Variants in CFTR observed in about 807,000 individuals in gnomAD.
The protein encoded by CFTR is CF transmembrane conductance regulator, also known as cystic fibrosis transmembrane conductance regulator.
A neutral mutation model predicts 171.6 loss-of-function variants in CFTR; 181 were observed. The ratio of observed to expected loss-of-function variants is 1.05; its 90% CI spans 0.93 to 1.19. CFTR has a LOEUF of 1.19. CFTR is among the 50% of genes most tolerant of loss of function. CFTR has a pLI of 0.00. For synonymous variants in CFTR, 583 were observed against 608.0 expected (o/e 0.96, Z 0.60); for missense variants, 1,968 against 1,734.7 (o/e 1.13, Z -2.39).
Position 117,603,519 on chromosome 7 carries a change from A to G in CFTR, c.2658-13A>G. 2 of 1,613,742 alleles carry G rather than the reference A, an allele frequency of 1.2e-6. No homozygotes were observed. Among genetic ancestry groups the G allele is most frequent in the African/African-American group, 1.3e-5 (1 of 75,026 alleles). On this transcript the variant is annotated splice_polypyrimidine_tract_variant and intron_variant, in intron 16 of 26. Coordinates refer to ENST00000003084, the MANE Select transcript of CFTR (RefSeq NM_000492.4). ...TTTGGCTGCCAAATAACGATTTCCT[A>G]TTTGCTTTACAGCACTCCTCTTCAA...
At chr7:117,541,870 T>C (rs1799057569) in intron 8 of CFTR, 146 bp from the exon 9 acceptor site, 2 of 392,728 alleles carry the variant, frequency 5.1e-6, no homozygotes, top group African/African-American at 4.2e-5. Context: ...AGAACACTAA[T>C]AAAATTATTT....
chr7:117,507,162 AC>A lies in CFTR; in HGVS notation c.165-1871del, dbSNP rs1798432954. Among the ~76,000 whole-genome samples the A allele has an allele frequency of 2.6e-5, 4 of 152,184 alleles. No homozygotes were observed. The South Asian group carries it at 8.3e-4, about 32-fold the overall frequency. On this transcript the variant is annotated intron_variant, in intron 2 of 26. Transcript: ENST00000003084. ...TGATCTGGGCCTGGTATGTGGTCCT[AC>A]TAGAACCACATCACCTACTCTTGGT...
chr7:117,565,863 G>C (rs1791593325), intron 11 of CFTR, among the ~76,000 whole-genome samples: 1 of 152,060 alleles, frequency 6.6e-6, no homozygotes, highest in Admixed American at 6.6e-5. Flanking sequence ...GTATGAAAAA[G>C]CTTGGGAGGG....
intron 3 of CFTR, among the ~76,000 whole-genome samples, chr7:117,518,419 T>C (rs1798632139): frequency 6.8e-6 from 1 of 147,294 alleles, no homozygotes; most frequent in Non-Finnish European, 1.5e-5. Flanking sequence ...ATGATTATAA[T>C]ATATAATAGG....
At chr7:117,625,570 G>T (rs1450464206) in intron 21 of CFTR, among the ~76,000 whole-genome samples, 1 of 152,050 alleles carries the variant, frequency 6.6e-6, no homozygotes, top group Non-Finnish European at 1.5e-5. Flanking sequence ...AAGGATTTTT[G>T]TTATATAGTG....
At chr7:117,568,348 G>A (rs962460310) in intron 11 of CFTR, among the ~76,000 whole-genome samples, 1 of 152,108 alleles carries the variant, frequency 6.6e-6, no homozygotes, top group Non-Finnish European at 1.5e-5. Context: ...TACAAAGATT[G>A]TCATTGACTG....
chr7:117,585,460 A>G (rs1015349864), intron 11 of CFTR, among the ~76,000 whole-genome samples: 1 of 152,144 alleles, frequency 6.6e-6, no homozygotes, highest in African/African-American at 2.4e-5. Context: ...GTTGAGTTCA[A>G]ATTTGAAAAA....
At chr7:117,653,064 C>T (rs1226171525) in intron 24 of CFTR, 133 bp downstream of exon 24, 4 of 704,716 alleles carry the variant, frequency 5.7e-6, no homozygotes, top group African/African-American at 5.3e-5. Flanking sequence ...AGTACCCTAA[C>T]ATACCTGGAG....
chr7:117,596,908 A>C (rs2116045083), intron 15 of CFTR, among the ~76,000 whole-genome samples: 1 of 152,286 alleles, frequency 6.6e-6, no homozygotes, highest in South Asian at 2.1e-4. Context: ...TCTAGTGAGG[A>C]GGTGGAGAAC....
intron 21 of CFTR, among the ~76,000 whole-genome samples, chr7:117,624,253 T>A (rs1186398727): frequency 2.0e-5 from 3 of 151,888 alleles, no homozygotes; most frequent in Non-Finnish European, 4.4e-5. Flanking sequence ...AATTAAGGAG[T>A]GTGTTGCCCT....
chr7:117,612,105 A>G (rs913828918), intron 20 of CFTR, among the ~76,000 whole-genome samples: 1 of 127,140 alleles, frequency 7.9e-6, no homozygotes, highest in Admixed American at 8.0e-5. Flanking sequence ...AAACCGATGC[A>G]CACAGATTGT....
At chr7:117,598,365 A>G (rs1792171229) in intron 15 of CFTR, among the ~76,000 whole-genome samples, 1 of 152,180 alleles carries the variant, frequency 6.6e-6, no homozygotes, top group Admixed American at 6.5e-5. Flanking sequence ...CAGAAAAAGA[A>G]CCACCTCTCC....
intron 11 of CFTR, among the ~76,000 whole-genome samples, chr7:117,568,666 T>A (rs1791641206): frequency 6.6e-6 from 1 of 152,218 alleles, no homozygotes; most frequent in African/African-American, 2.4e-5. Flanking sequence ...ATGTTTTGAT[T>A]TATGTATACA....
chr7:117,525,057 A>G lies in CFTR; in HGVS notation c.274-5842A>G, dbSNP rs766383013. 5.3e-5 allele frequency among the ~76,000 whole-genome samples: 8 copies of G among 152,352 alleles called. No individual in the cohort carries two copies. Among genetic ancestry groups the G allele is most frequent in the Non-Finnish European group, 5.9e-5 (4 of 68,026 alleles). On this transcript the variant is annotated intron_variant, in intron 3 of 26. Coordinates refer to ENST00000003084, the MANE Select transcript of CFTR (RefSeq NM_000492.4). ...TGTACTTACTTTTCAAAAATATTTC[A>G]GTAGATATAGCAAACAGTTAACATG...
At chr7:117,642,628 T>C (rs750852853) in intron 23 of CFTR, 35 bp downstream of exon 23, 1 of 1,605,700 alleles carries the variant, frequency 6.2e-7, no homozygotes, top group South Asian at 1.1e-5. Flanking sequence ...AAAAGGCAAC[T>C]AAATTATATT....
chr7:117,517,280 T>A (rs1180319418), intron 3 of CFTR, among the ~76,000 whole-genome samples: 11 of 151,604 alleles, frequency 7.3e-5, no homozygotes, highest in Non-Finnish European at 1.6e-4. Context: ...ATTGTTCAAC[T>A]CCCACTTATG....
At chr7:117,522,241 T>C (rs561712778) in intron 3 of CFTR, among the ~76,000 whole-genome samples, 32 of 152,314 alleles carry the variant, frequency 2.1e-4, no homozygotes, top group East Asian at 1.7e-3. Context: ...GGATGAGGGC[T>C]AGGACAATTA....
intron 1 of CFTR, among the ~76,000 whole-genome samples, chr7:117,482,256 T>C (rs1305189062): frequency 5.3e-5 from 8 of 152,200 alleles, no homozygotes; most frequent in Non-Finnish European, 2.9e-5. Context: ...AATTTAACTT[T>C]CTGAATAGGA....
At position 117,592,107 on chromosome 7, in the gene CFTR, G is replaced by A; in HGVS notation, c.1940G>A (p.Cys647Tyr). ...QPDFSSKLMGCDSFDQFSAER... is the reference protein window; with the variant it reads ...QPDFSSKLMGYDSFDQFSAER... ...GACTTTAGCTCAAAACTCATGGGAT[G>A]TGATTCTTTCGACCAATTTAGTGCA... Residue 647 changes from cysteine to tyrosine, a missense_variant, in exon 14 of 27, where the codon TGT becomes TAT. By Grantham distance (194) the Cys-to-Tyr change is radical. Transcript: ENST00000003084. 1 of 1,614,084 alleles carries A rather than the reference G, an allele frequency of 6.2e-7. No homozygotes were observed. Among genetic ancestry groups the A allele is most frequent in the Non-Finnish European group, 8.5e-7 (1 of 1,179,998 alleles).
Sources: gnomAD v4.1 joint callset for allele counts (sites outside exome capture counted in the v4.1 genomes callset) on GRCh38, gnomAD v4.1.1 for gene constraint, MANE v1.5 for transcripts, NCBI Gene and HGNC (gene_info 2026-07-23, HGNC 2026-07-21) for gene names.